SYTL5: variants seen among roughly 807,000 people sequenced by gnomAD.
SYTL5 encodes synaptotagmin-like protein 5.
Under a neutral mutation model 55.9 loss-of-function variants are expected in SYTL5, and 34 were observed. The ratio of observed to expected loss-of-function variants is 0.61; its 90% CI spans 0.46 to 0.81. The LOEUF is 0.81. Among genes scored for constraint, SYTL5 ranks in the 30% least tolerant of loss-of-function variants. The pLI is 0.00. For missense variants in SYTL5, 637 were observed against 546.7 expected, an observed-to-expected ratio of 1.17 and a Z score of -1.65; for synonymous variants, 221 against 188.7, an observed-to-expected ratio of 1.17 and a Z score of -1.40.
chrX:38,073,470 C>A lies in SYTL5; in HGVS notation c.446-120C>A, dbSNP rs1936315753. On this transcript the variant is annotated intron_variant, in intron 4 of 16. Transcript: ENST00000297875. Reference sequence around the variant, plus strand: ...AAAACTTGGGATGGGAATGGCATTGCCAATTATTATAGACTTCCTTGCCCT... The same window carrying A: ...AAAACTTGGGATGGGAATGGCATTGACAATTATTATAGACTTCCTTGCCCT... 1.0e-5 allele frequency: 5 copies of A among 489,344 alleles called. No homozygotes were observed. The South Asian group carries it at 1.9e-4, about 19-fold the overall frequency. The allele number at this position is 489,344 out of a possible 1,213,427, so 40.3% of individuals were successfully genotyped here.
At chrX:38,024,420 CT>C (rs199682712) in intron 1 of SYTL5, among the ~76,000 whole-genome samples, 2,028 of 109,807 alleles carry the variant, frequency 0.018, 55 homozygotes, top group African/African-American at 0.064. Flanking sequence ...CATTAAAGCT[CT>C]TTTTTTTTAA....
chrX:38,064,533 T>C (rs1434792494), intron 3 of SYTL5, among the ~76,000 whole-genome samples: 1 of 111,450 alleles, frequency 9.0e-6, no homozygotes, highest in Non-Finnish European at 1.9e-5. Flanking sequence ...TTTTAGGTGC[T>C]GGTCTTTTCC....
chrX:37,903,969 C>A, the SYTL5 span, among the ~76,000 whole-genome samples: 75 of 111,572 alleles, frequency 6.7e-4, no homozygotes, highest in African/African-American at 2.3e-3. Context: ...TCCCCCACCC[C>A]TCAGTCTGTG....
intron 7 of SYTL5, among the ~76,000 whole-genome samples, chrX:38,091,208 T>C (rs888111828): frequency 8.9e-6 from 1 of 112,008 alleles, no homozygotes; most frequent in East Asian, 2.8e-4. Flanking sequence ...GATTGGGTTT[T>C]GAAACAAAGA....
At chrX:38,026,422 C>A (rs912462644) in intron 1 of SYTL5, among the ~76,000 whole-genome samples, 1 of 111,588 alleles carries the variant, frequency 9.0e-6, no homozygotes, top group African/African-American at 3.3e-5. Context: ...GGAAAGGGGT[C>A]CCGATCCAGA....
chrX:38,078,204 G>A (rs921063814), intron 6 of SYTL5, among the ~76,000 whole-genome samples: 1 of 111,182 alleles, frequency 9.0e-6, no homozygotes, highest in Non-Finnish European at 1.9e-5. Context: ...CTTAAGGCTA[G>A]CATTTAAGAA....
intron 2 of SYTL5, among the ~76,000 whole-genome samples, chrX:38,043,673 A>ATATATATATATATATATATATG (rs1935363590): frequency 1.4e-5 from 1 of 70,907 alleles, no homozygotes; most frequent in African/African-American, 7.6e-5. Flanking sequence ...ATATATATAT[A>ATATATATATATATATATATATG]TATATATATA....
At chrX:38,035,832 T>G (rs1320886394) in intron 2 of SYTL5, among the ~76,000 whole-genome samples, 1 of 108,893 alleles carries the variant, frequency 9.2e-6, no homozygotes, top group Non-Finnish European at 1.9e-5. Flanking sequence ...GAGGTGGAGG[T>G]TGCAGTAAGC....
intron 2 of SYTL5, among the ~76,000 whole-genome samples, chrX:38,036,451 A>G (rs1469262745): frequency 8.9e-6 from 1 of 111,897 alleles, no homozygotes; most frequent in Non-Finnish European, 1.9e-5. Flanking sequence ...ATCAAGAATA[A>G]AGTCATTGGT....
At chrX:38,027,893 G>A (rs1302207535) in intron 1 of SYTL5, among the ~76,000 whole-genome samples, 2 of 105,411 alleles carry the variant, frequency 1.9e-5, no homozygotes, top group Non-Finnish European at 3.9e-5. Context: ...GCAAAATCTC[G>A]GCTCACTGCA....
chrX:38,027,346 C>G (rs1213268123), intron 1 of SYTL5, among the ~76,000 whole-genome samples: 1 of 112,166 alleles, frequency 8.9e-6, no homozygotes, highest in African/African-American at 3.2e-5. Flanking sequence ...TATGGAGTCA[C>G]TAGCCAATTC....
At chrX:37,921,318 C>T in the SYTL5 span, among the ~76,000 whole-genome samples, 3 of 111,256 alleles carry the variant, frequency 2.7e-5, no homozygotes, top group South Asian at 7.6e-4. Flanking sequence ...CCAGGTATTC[C>T]ATTAGATGAT....
the SYTL5 span, among the ~76,000 whole-genome samples, chrX:37,985,799 A>G: frequency 4.8e-4 from 54 of 111,857 alleles, no homozygotes; most frequent in African/African-American, 1.7e-3. Context: ...AGTAATCAAG[A>G]CATTGGAACT....
the SYTL5 span, among the ~76,000 whole-genome samples, chrX:37,904,172 ACACT>A: frequency 9.3e-6 from 1 of 107,927 alleles, no homozygotes; most frequent in Admixed American, 1.0e-4. Context: ...ACACACACAC[ACACT>A]CACTCTCTGG....
rs368792391 is a variant in SYTL5 at position 38,008,228 on chromosome X, T to A, written c.-357+1560T>A. Among the ~76,000 whole-genome samples the A allele has an allele frequency of 4.5e-5, 5 of 112,157 alleles. No homozygotes were observed. The East Asian group carries it at 1.4e-3, about 31-fold the overall frequency. ...TCTTTAATACATTCTACTTAAAATC[T>A]ACTTGTAAATATGCTTTTGTACATT... On this transcript the variant is annotated intron_variant, in intron 1 of 16. Transcript: ENST00000297875.
At chrX:37,946,934 T>C in the SYTL5 span, among the ~76,000 whole-genome samples, 1 of 111,516 alleles carries the variant, frequency 9.0e-6, no homozygotes, top group Non-Finnish European at 1.9e-5. Flanking sequence ...AGACTTTTTC[T>C]ACTTTACACA....
At chrX:37,965,057 G>A in the SYTL5 span, among the ~76,000 whole-genome samples, 4 of 109,070 alleles carry the variant, frequency 3.7e-5, no homozygotes, top group Non-Finnish European at 7.6e-5. Flanking sequence ...ATTGTTTTTT[G>A]ATACTCAATT....
rs143966644 is a variant in SYTL5 at position 38,065,957 on chromosome X, G to A, written c.330-6090G>A. 3.7e-3 allele frequency among the ~76,000 whole-genome samples: 411 copies of A among 110,425 alleles called. 4 individuals carry two copies. The East Asian group carries it at 0.051, about 14-fold the overall frequency. On this transcript the variant is annotated intron_variant, in intron 3 of 16. Coordinates refer to ENST00000297875, the MANE Select transcript of SYTL5 (RefSeq NM_138780.3). ...TCTATTAAAAATACAAAAATTAGCC[G>A]GGTGTGATGGGGCATGCCTGTAGTC...
chrX:38,038,384 C>T (rs912554004), intron 2 of SYTL5, among the ~76,000 whole-genome samples: 4 of 112,006 alleles, frequency 3.6e-5, no homozygotes, highest in African/African-American at 1.3e-4. Flanking sequence ...CTATTCCTTA[C>T]TCTTTTCTTT....
Sources: gnomAD v4.1 joint callset for allele counts (sites outside exome capture counted in the v4.1 genomes callset) on GRCh38, gnomAD v4.1.1 for gene constraint, MANE v1.5 for transcripts, NCBI Gene and HGNC (gene_info 2026-07-23, HGNC 2026-07-21) for gene names.